The following INSL6 variants were observed in gnomAD, a reference collection of about 807,000 sequenced individuals.
INSL6 encodes insulin like 6.
A neutral mutation model predicts 9.4 loss-of-function variants in INSL6; 16 were observed. The observed-to-expected ratio is 1.70, with a 90% CI of 1.15 to 2.59. INSL6 has a LOEUF of 2.59. Ranked by LOEUF, INSL6 falls within the 30% of genes most tolerant of loss-of-function variation. The probability of loss-of-function intolerance (pLI) is 0.00; values close to 1 mark genes in which losing one functional copy is unlikely to be tolerated. For synonymous variants in INSL6, 154 were observed against 96.9 expected (o/e 1.59, Z -3.46); for missense variants, 391 against 257.3 (o/e 1.52, Z -3.56).
At chr9:5,014,489 C>G in the INSL6 span, among the ~76,000 whole-genome samples, 1 of 152,080 alleles carries the variant, frequency 6.6e-6, no homozygotes, top group Non-Finnish European at 1.5e-5. Context: ...TCTAGTGGTA[C>G]AAGACAATGA....
the INSL6 span, among the ~76,000 whole-genome samples, chr9:5,047,423 T>C: frequency 6.6e-6 from 1 of 152,216 alleles, no homozygotes; most frequent in African/African-American, 2.4e-5. Context: ...TGGGAATTAA[T>C]TGCCTTTATA....
the INSL6 span, among the ~76,000 whole-genome samples, chr9:5,118,857 G>T: frequency 6.6e-6 from 1 of 152,222 alleles, no homozygotes. Flanking sequence ...TAAAAGCAGA[G>T]AATTAAAACC....
the INSL6 span, among the ~76,000 whole-genome samples, chr9:5,074,540 CAG>C: frequency 4.6e-5 from 7 of 152,170 alleles, no homozygotes; most frequent in South Asian, 2.1e-4. Context: ...GTGTCCCAAA[CAG>C]AGAGAATATA....
intron 1 of INSL6, among the ~76,000 whole-genome samples, chr9:5,184,588 T>C (rs1040385516): frequency 6.6e-6 from 1 of 152,176 alleles, no homozygotes; most frequent in Non-Finnish European, 1.5e-5. Flanking sequence ...TAATACAGTA[T>C]GGTATATAGG....
the INSL6 span, among the ~76,000 whole-genome samples, chr9:5,106,492 C>T: frequency 7.4e-4 from 112 of 152,278 alleles, no homozygotes; most frequent in Admixed American, 4.6e-3. Context: ...GACAGTGTGG[C>T]GACTCCTCAA....
chr9:5,050,231 G>T, the INSL6 span, among the ~76,000 whole-genome samples: 1 of 152,166 alleles, frequency 6.6e-6, no homozygotes, highest in Non-Finnish European at 1.5e-5. Context: ...ATTTGCAAAT[G>T]AACTTTTATT....
chr9:5,087,281 A>ATGAG, the INSL6 span, among the ~76,000 whole-genome samples: 7 of 152,336 alleles, frequency 4.6e-5, no homozygotes, highest in African/African-American at 1.7e-4. Flanking sequence ...AGGAGAGAGA[A>ATGAG]TGAGTGCCAG....
At chr9:5,013,702 G>A in the INSL6 span, among the ~76,000 whole-genome samples, 2 of 152,070 alleles carry the variant, frequency 1.3e-5, no homozygotes, top group African/African-American at 4.8e-5. Flanking sequence ...TAATTGTTGT[G>A]TGAAACTTCT....
At chr9:5,036,800 G>A in the INSL6 span, among the ~76,000 whole-genome samples, 2 of 152,128 alleles carry the variant, frequency 1.3e-5, no homozygotes, top group African/African-American at 2.4e-5. Context: ...ACATAAGCAT[G>A]GGCAAGGACT....
At chr9:5,126,916 G>T (rs767898973) in intron 3 of INSL6, 8 of 502,090 alleles carry the variant, frequency 1.6e-5, no homozygotes, top group Admixed American at 1.2e-4. Context: ...CAGCAAAGAT[G>T]TGAAAATATC....
chr9:5,034,563 T>C, the INSL6 span, among the ~76,000 whole-genome samples: 4 of 151,052 alleles, frequency 2.6e-5, no homozygotes, highest in African/African-American at 7.3e-5. Flanking sequence ...GCAATCAAAC[T>C]AGAACTCAGG....
chr9:5,080,420 G>C, the INSL6 span: 1 of 1,556,752 alleles, frequency 6.4e-7, no homozygotes. Flanking sequence ...CTCTATCTCT[G>C]AACTTTCATA....
chr9:5,099,960 G>A, the INSL6 span: 2 of 152,126 alleles, frequency 1.3e-5, no homozygotes, highest in African/African-American at 4.8e-5. Flanking sequence ...GCACACCTAT[G>A]CCACTTATCC....
At chr9:5,041,768 GC>G in the INSL6 span, 1 of 488,248 alleles carries the variant, frequency 2.0e-6, no homozygotes, top group Non-Finnish European at 4.1e-6. Flanking sequence ...ACACCGACCT[GC>G]CCTCCCAGCC....
chr9:5,042,590 C>G, the INSL6 span, among the ~76,000 whole-genome samples: 1 of 134,858 alleles, frequency 7.4e-6, no homozygotes, highest in Non-Finnish European at 1.6e-5. Flanking sequence ...CTGGAGGCCC[C>G]CAGGGCTGAG....
chr9:5,105,815 G>T, the INSL6 span, among the ~76,000 whole-genome samples: 1 of 152,212 alleles, frequency 6.6e-6, no homozygotes, highest in Non-Finnish European at 1.5e-5. Flanking sequence ...AATGGGAAAA[G>T]GATTCCTTAT....
At chr9:5,166,375 G>C (rs1208663422) in intron 1 of INSL6, among the ~76,000 whole-genome samples, 2 of 152,002 alleles carry the variant, frequency 1.3e-5, no homozygotes, top group Non-Finnish European at 2.9e-5. Context: ...AGGCCTATTA[G>C]AGCACTCTTT....
chr9:5,111,175 T>A, the INSL6 span: 20 of 726,486 alleles, frequency 2.8e-5, no homozygotes, highest in Middle Eastern at 7.1e-4. Flanking sequence ...CGGCAGCCAC[T>A]CTCCATTCAC....
chr9:5,108,997 C>T, the INSL6 span: 2 of 152,142 alleles, frequency 1.3e-5, no homozygotes, highest in African/African-American at 4.8e-5. Context: ...CTCATGATGA[C>T]TTCTAGCAAA....
Sources: gnomAD v4.1 joint callset for allele counts (sites outside exome capture counted in the v4.1 genomes callset) on GRCh38, gnomAD v4.1.1 for gene constraint, MANE v1.5 for transcripts, NCBI Gene and HGNC (gene_info 2026-07-23, HGNC 2026-07-21) for gene names.